KIAA2012: variants seen among roughly 807,000 people sequenced by gnomAD.
KIAA2012 encodes KIAA2012.
KIAA2012 carries 125 observed loss-of-function variants against 150.6 expected under a neutral mutation model. The observed-to-expected ratio is 0.83, with a 90% CI of 0.72 to 0.96. KIAA2012 has a LOEUF of 0.96. KIAA2012 is among the 40% of genes least tolerant of loss of function. The pLI is 0.00. For missense variants in KIAA2012, 1,219 were observed against 1,354.9 expected, an observed-to-expected ratio of 0.90 and a Z score of 1.57; for synonymous variants, 462 against 504.7, an observed-to-expected ratio of 0.92 and a Z score of 1.13.
rs577739476 is a variant in KIAA2012, at chr2:202,078,980, G to A, written c.369+3805G>A. Among the ~76,000 whole-genome samples the A allele has an allele frequency of 8.1e-4, 124 of 152,220 alleles. 1 individual carries two copies. The highest frequency in any genetic ancestry group is 2.8e-3 in the African/African-American group (116 of 41,546). ...GGAGGCCAAGGCAGGTAGATCATCT[G>A]AGGTCAGGAGTTCGAGACCAGCCTG... On this transcript the variant is annotated intron_variant, in intron 2 of 23. Transcript: ENST00000498697.
chr2:202,123,221 C>T (rs77597508), intron 11 of KIAA2012, among the ~76,000 whole-genome samples: 376 of 152,286 alleles, frequency 2.5e-3, no homozygotes, highest in African/African-American at 8.4e-3. Context: ...AGCCCTCCTC[C>T]GCCCTCTCGC....
At chr2:202,131,213 C>T (rs1690919784) in intron 12 of KIAA2012, among the ~76,000 whole-genome samples, 1 of 152,226 alleles carries the variant, frequency 6.6e-6, no homozygotes, top group Non-Finnish European at 1.5e-5. Flanking sequence ...AATCTCCGCT[C>T]ACTGCAACCT....
At position 202,105,845 on chromosome 2, in the gene KIAA2012, A is replaced by C. The variant is rs943485261; in HGVS notation, c.1409A>C (p.Glu470Ala). ...CCTCCCCTGAAGCATGCGTCCTTAG[A>C]AACACCATGGGAGTTAACAGTGCAT... ...WRPPLKHASL[E>A]TPWELTVHLP... Residue 470 changes from glutamate to alanine, a missense_variant, in exon 9 of 24, where the codon GAA (glutamate) becomes GCA (alanine). By Grantham distance (107) the Glu-to-Ala change is moderately radical. Transcript: ENST00000498697. 4 of 1,550,658 alleles carry C rather than the reference A, an allele frequency of 2.6e-6. No individual in the cohort carries two copies. In the African/African-American group the frequency reaches 4.1e-5, roughly 16 times the overall value.
chr2:202,125,356 A>T (rs112615368), intron 12 of KIAA2012, 74 bp downstream of exon 12: 20 of 1,180,342 alleles, frequency 1.7e-5, no homozygotes, highest in Non-Finnish European at 2.3e-5. Context: ...TTTCATATAT[A>T]GACCTCCAGA....
intron 14 of KIAA2012, among the ~76,000 whole-genome samples, chr2:202,157,538 T>C (rs1472141915): frequency 6.6e-6 from 1 of 152,202 alleles, no homozygotes; most frequent in African/African-American, 2.4e-5. Context: ...GTTGCTAACA[T>C]TACTGAGGAC....
At chr2:202,177,719 C>CA (rs1197775983) in intron 15 of KIAA2012, among the ~76,000 whole-genome samples, 1 of 152,188 alleles carries the variant, frequency 6.6e-6, no homozygotes, top group Non-Finnish European at 1.5e-5. Context: ...TTAATCCATT[C>CA]ATGAGGATGG....
At chr2:202,151,267 C>T (rs574103420) in intron 13 of KIAA2012, among the ~76,000 whole-genome samples, 30 of 152,136 alleles carry the variant, frequency 2.0e-4, no homozygotes, top group Non-Finnish European at 3.8e-4. Flanking sequence ...CATGGTGGCA[C>T]ACACCTGTAG....
intron 15 of KIAA2012, among the ~76,000 whole-genome samples, chr2:202,181,770 T>A (rs1692125166): frequency 6.6e-6 from 1 of 152,174 alleles, no homozygotes. Context: ...ATGGTGAGAT[T>A]TTTTTGGTTC....
intron 15 of KIAA2012, among the ~76,000 whole-genome samples, chr2:202,167,963 T>G (rs890296320): frequency 6.6e-6 from 1 of 152,066 alleles, no homozygotes; most frequent in African/African-American, 2.4e-5. Flanking sequence ...TTCCCAGGGT[T>G]CAAGTTCTAG....
intron 11 of KIAA2012, among the ~76,000 whole-genome samples, chr2:202,117,796 A>C (rs1371972781): frequency 6.6e-6 from 1 of 152,210 alleles, no homozygotes; most frequent in Non-Finnish European, 1.5e-5. Flanking sequence ...CAGATCCCTT[A>C]CCGCAGGACT....
intron 13 of KIAA2012, among the ~76,000 whole-genome samples, chr2:202,149,999 T>C (rs1413830322): frequency 1.3e-5 from 2 of 152,204 alleles, no homozygotes; most frequent in African/African-American, 4.8e-5. Flanking sequence ...ATTATATATG[T>C]GTGTAAGTCT....
intron 12 of KIAA2012, among the ~76,000 whole-genome samples, chr2:202,128,824 G>C (rs1222879124): frequency 6.6e-6 from 1 of 150,656 alleles, no homozygotes; most frequent in African/African-American, 2.4e-5. Context: ...TCACAACTTA[G>C]AACCTTATTT....
rs543096477 is a variant in KIAA2012, at chr2:202,090,703, C to T, written c.370-67C>T. 2.7e-6 allele frequency: 4 copies of T among 1,458,218 alleles called. No individual in the cohort carries two copies. The South Asian group carries it at 4.4e-5, about 16-fold the overall frequency. The allele number at this position is 1,458,218 out of a possible 1,614,324, so 90.3% of individuals were successfully genotyped here. A position where few individuals can be genotyped will look rare whatever the true frequency, so the allele number is the denominator to read the frequency against. ...GGGTTACTGATGAAGATTGTGCTAA[C>T]CAGCCTGTATCACTGGGTGGCTCAG... On this transcript the variant is annotated intron_variant, in intron 2 of 23. Coordinates refer to ENST00000498697, the MANE Select transcript of KIAA2012 (RefSeq NM_001277372.4).
intron 12 of KIAA2012, among the ~76,000 whole-genome samples, chr2:202,130,442 T>G (rs62195619): frequency 2.0e-5 from 3 of 152,196 alleles, no homozygotes; most frequent in Non-Finnish European, 2.9e-5. Context: ...TTAAAGCAGG[T>G]GTAGATCTTA....
intron 5 of KIAA2012, among the ~76,000 whole-genome samples, chr2:202,099,068 G>A (rs1175435239): frequency 1.3e-5 from 2 of 152,000 alleles, no homozygotes; most frequent in Non-Finnish European, 2.9e-5. Flanking sequence ...GTTCACTGCA[G>A]GCTTGACCTC....
chr2:202,105,280 G>GGGAA (rs779604299), intron 8 of KIAA2012, among the ~76,000 whole-genome samples: 1 of 151,304 alleles, frequency 6.6e-6, no homozygotes, highest in Non-Finnish European at 1.5e-5. Context: ...AGGGAAGGAA[G>GGGAA]GGAAGGAAGG....
chr2:202,171,220 CA>C (rs1290439913), intron 15 of KIAA2012, among the ~76,000 whole-genome samples: 29 of 152,170 alleles, frequency 1.9e-4, no homozygotes, highest in African/African-American at 5.1e-4. Context: ...CACACACACA[CA>C]CACCCCAACT....
chr2:202,143,442 T>TA (rs11442295), intron 13 of KIAA2012, among the ~76,000 whole-genome samples: 51,184 of 145,600 alleles, frequency 0.35, 8,889 homozygotes, highest in East Asian at 0.59. Flanking sequence ...TGCAACTATG[T>TA]AAAAAAAAAA....
intron 2 of KIAA2012, among the ~76,000 whole-genome samples, chr2:202,075,796 T>C (rs1689311851): frequency 6.6e-6 from 1 of 152,384 alleles, no homozygotes; most frequent in South Asian, 2.1e-4. Flanking sequence ...TCTGGGAAGA[T>C]GTGTCACTTT....
Sources: gnomAD v4.1 joint callset for allele counts (sites outside exome capture counted in the v4.1 genomes callset) on GRCh38, gnomAD v4.1.1 for gene constraint, MANE v1.5 for transcripts, NCBI Gene and HGNC (gene_info 2026-07-23, HGNC 2026-07-21) for gene names.